BIN1: variants seen among roughly 807,000 people sequenced by gnomAD.
BIN1 encodes the protein bridging integrator 1.
Under a neutral mutation model 82.0 loss-of-function variants are expected in BIN1, and 53 were observed. The observed-to-expected ratio is 0.65, with a 90% confidence interval of 0.52 to 0.81. The LOEUF (loss-of-function observed/expected upper bound fraction) is 0.81. Ranked by LOEUF, BIN1 falls within the 40% of genes least tolerant of loss-of-function variation. The pLI, the probability that BIN1 is intolerant of heterozygous loss-of-function variation, is 0.00. For synonymous variants in BIN1, 302 were observed against 328.0 expected (o/e 0.92, Z 0.86); for missense variants, 642 against 784.4 (o/e 0.82, Z 2.17).
At chr2:127,055,117 G>C (rs769589996) in intron 12 of BIN1, 2 of 150,112 alleles carry the variant, frequency 1.3e-5, no homozygotes, top group African/African-American at 4.9e-5. Context: ...CGCAGCCCAG[G>C]CCAGCGGCTT....
Position 127,070,661 on chromosome 2 carries a change from A to G in BIN1, c.221-14T>C. 2 of 1,614,034 alleles carry G rather than the reference A, an allele frequency of 1.2e-6. No individual in the cohort carries two copies. The highest frequency in any genetic ancestry group is 1.7e-6 in the Non-Finnish European group (2 of 1,179,994). On this transcript the variant is annotated splice_polypyrimidine_tract_variant and intron_variant, in intron 3 of 18. Transcript: ENST00000316724. Reference sequence around the variant, plus strand: ...CCTCGTGCATGGCTGTGGGGCAGAAAGGAAGTATGTGGGCCTCCCACTGAT... The same window carrying G: ...CCTCGTGCATGGCTGTGGGGCAGAAGGGAAGTATGTGGGCCTCCCACTGAT...
chr2:127,062,203 GGA>G lies in BIN1; in HGVS notation c.775-8_775-7del. 6.2e-7 allele frequency: 1 copy of G among 1,600,684 alleles called. No homozygotes were observed. The highest frequency in any genetic ancestry group is 8.5e-7 in the Non-Finnish European group (1 of 1,173,348). On this transcript the variant is annotated splice_region_variant and splice_polypyrimidine_tract_variant and intron_variant, in intron 9 of 18. Transcript: ENST00000316724. ...TCATTGAGGTTCTGGTTGAGCTGCA[GGA>G]GAGACAGTGAGGAGGTGGGGGGCCT...
In BIN1 at chr2:127,074,224, G is replaced by T. The variant is rs980132838; in HGVS notation, c.165+2402C>A. 2.0e-5 allele frequency among the ~76,000 whole-genome samples: 3 copies of T among 151,996 alleles called. No homozygotes were observed. In the East Asian group the frequency reaches 5.8e-4, roughly 29 times the overall value. On this transcript the variant is annotated intron_variant, in intron 2 of 18. Transcript: ENST00000316724. ...TCCCAGGGCCCCCAAGCCCACTGCA[G>T]CCTCCTGAATTCACTCCCCCAACAA...
At chr2:127,105,482 T>TCCTCCC (rs1680954546) in intron 1 of BIN1, among the ~76,000 whole-genome samples, 1 of 148,354 alleles carries the variant, frequency 6.7e-6, no homozygotes, top group African/African-American at 2.5e-5. Context: ...CTCCTCCTCC[T>TCCTCCC]CCTCCTCCTC....
rs761873801 is a variant in BIN1 at position 127,050,791 on chromosome 2, T to C, written c.1572+11A>G. Reference sequence around the variant, plus strand: ...CCGAGGGACTGCAGCAGTCAGAGGCTGTGGGCTCACCTTGAACATGAAACC... The same window carrying C: ...CCGAGGGACTGCAGCAGTCAGAGGCCGTGGGCTCACCTTGAACATGAAACC... On this transcript the variant is annotated intron_variant, in intron 17 of 18. Transcript: ENST00000316724. 1.4e-5 allele frequency: 23 copies of C among 1,612,908 alleles called. No homozygotes were observed. In the South Asian group the frequency reaches 2.1e-4, roughly 15 times the overall value.
intron 2 of BIN1, among the ~76,000 whole-genome samples, chr2:127,071,859 C>A (rs567742171): frequency 6.6e-6 from 1 of 152,328 alleles, no homozygotes; most frequent in Admixed American, 6.5e-5. Flanking sequence ...CCTGGCACTC[C>A]TCAGATCCAG....
At chr2:127,098,222 G>A (rs1679845513) in intron 1 of BIN1, among the ~76,000 whole-genome samples, 1 of 152,212 alleles carries the variant, frequency 6.6e-6, no homozygotes, top group South Asian at 2.1e-4. Flanking sequence ...GGAGCCAGCG[G>A]GGATGCCCCA....
chr2:127,058,129 G>A (rs1287041664), intron 11 of BIN1, among the ~76,000 whole-genome samples: 1 of 152,184 alleles, frequency 6.6e-6, no homozygotes, highest in Non-Finnish European at 1.5e-5. Context: ...GCACCAGGAT[G>A]GGGCAGAGGC....
rs535755060 is a variant in BIN1, at chr2:127,059,211, C to T, written c.858-56G>A. On this transcript the variant is annotated intron_variant, in intron 10 of 18. Transcript: ENST00000316724. The surrounding 1 kb of genome is among the most constrained non-coding windows in gnomAD (Gnocchi z 6.7). ...TGTTGGGGGGCCAAGGCACAGGAGA[C>T]GGAGGGGCAAATGTATTGACGTCTG... 5.9e-6 allele frequency: 9 copies of T among 1,535,980 alleles called. No individual in the cohort carries two copies. Among genetic ancestry groups the T allele is most frequent in the East Asian group, 4.9e-5 (2 of 40,840 alleles).
At chr2:127,081,033 G>A (rs1270714920) in intron 1 of BIN1, among the ~76,000 whole-genome samples, 1 of 152,234 alleles carries the variant, frequency 6.6e-6, no homozygotes, top group Non-Finnish European at 1.5e-5. Flanking sequence ...TCATGGCCCA[G>A]TGAGAGGGCA....
At chr2:127,064,148 G>A in intron 7 of BIN1, 130 bp from the exon 8 acceptor site, 1 of 1,030,810 alleles carries the variant, frequency 9.7e-7, no homozygotes, top group South Asian at 1.4e-5. Context: ...GCAAGACAGA[G>A]GCTGAACTGG....
At chr2:127,052,708 C>T (rs933230169) in intron 14 of BIN1, 2 of 360,444 alleles carry the variant, frequency 5.5e-6, no homozygotes, top group Non-Finnish European at 1.0e-5. Flanking sequence ...GGGCTGCCAG[C>T]GCATGCCCCA....
rs10165966 is a variant in BIN1 at position 127,080,945 on chromosome 2, G to A, written c.85-4239C>T. On this transcript the variant is annotated intron_variant, in intron 1 of 18. Transcript: ENST00000316724. ...TTCACTGAGTTGACGCCATGCCTCC[G>A]GCACCCGGGTCCACAGGGGCTCAGT... 5.6e-3 allele frequency among the ~76,000 whole-genome samples: 857 copies of A among 152,332 alleles called. 10 individuals are homozygous for A. Among genetic ancestry groups the A allele is most frequent in the African/African-American group, 0.019 (809 of 41,580 alleles).
At chr2:127,089,237 G>A (rs999088780) in intron 1 of BIN1, among the ~76,000 whole-genome samples, 7 of 152,224 alleles carry the variant, frequency 4.6e-5, no homozygotes, top group South Asian at 2.1e-4. Context: ...ATGCGGCCTC[G>A]GCCCCCAGGA....
At chr2:127,105,672 C>T (rs905098838) in intron 1 of BIN1, among the ~76,000 whole-genome samples, 2 of 152,172 alleles carry the variant, frequency 1.3e-5, no homozygotes, top group Non-Finnish European at 2.9e-5. Flanking sequence ...CTCCCCCATC[C>T]CCCAGCAATC....
At chr2:127,074,830 G>C (rs1686382180) in intron 2 of BIN1, among the ~76,000 whole-genome samples, 1 of 152,180 alleles carries the variant, frequency 6.6e-6, no homozygotes, top group Non-Finnish European at 1.5e-5. Context: ...AGCCTCCCGA[G>C]TAGCTAGGAC....
At chr2:127,096,578 T>C (rs1465862946) in intron 1 of BIN1, among the ~76,000 whole-genome samples, 1 of 152,164 alleles carries the variant, frequency 6.6e-6, no homozygotes, top group Non-Finnish European at 1.5e-5. Flanking sequence ...CCCCTTTCTC[T>C]CATTCGGTGT....
At chr2:127,065,607 G>C (rs1685058449) in intron 7 of BIN1, among the ~76,000 whole-genome samples, 1 of 152,130 alleles carries the variant, frequency 6.6e-6, no homozygotes, top group African/African-American at 2.4e-5. Context: ...GTAAGAACCT[G>C]CCTGGACCAC....
chr2:127,050,316 G>T (rs796972322), intron 18 of BIN1, 105 bp downstream of exon 18: 11 of 1,225,828 alleles, frequency 9.0e-6, no homozygotes, highest in Admixed American at 7.3e-5. Flanking sequence ...TGGTGCTCGC[G>T]GGCCTCTGCT....
Sources: allele counts gnomAD v4.1 joint callset (sites outside exome capture counted in the v4.1 genomes callset), GRCh38; gene constraint gnomAD v4.1.1; non-coding constraint Gnocchi (gnomAD v3.1); transcripts MANE v1.5; gene names NCBI Gene and HGNC (gene_info 2026-07-23, HGNC 2026-07-21).